IFT74: variants seen among roughly 807,000 people sequenced by gnomAD.
IFT74 encodes the protein intraflagellar transport protein 74 homolog.
Under a neutral mutation model 96.7 loss-of-function variants are expected in IFT74, and 92 were observed. The ratio of observed to expected loss-of-function variants is 0.95; its 90% CI spans 0.80 to 1.13. IFT74 has a LOEUF of 1.13. Ranked by LOEUF, IFT74 falls within the 50% of genes most tolerant of loss-of-function variation. The probability of loss-of-function intolerance (pLI) is 0.00; values close to 1 mark genes in which losing one functional copy is unlikely to be tolerated. For synonymous variants in IFT74, 223 were observed against 213.2 expected, an observed-to-expected ratio of 1.05 and a Z score of -0.40; for missense variants, 811 against 698.2, an observed-to-expected ratio of 1.16 and a Z score of -1.82.
chr9:26,989,691 T>G (rs1032079355), intron 7 of IFT74, among the ~76,000 whole-genome samples: 3 of 152,048 alleles, frequency 2.0e-5, no homozygotes, highest in East Asian at 1.9e-4. Context: ...GTCAGTTGTT[T>G]GGGATGGGGG....
At chr9:26,968,217 G>A (rs974954997) in intron 2 of IFT74, among the ~76,000 whole-genome samples, 1 of 151,500 alleles carries the variant, frequency 6.6e-6, no homozygotes, top group Non-Finnish European at 1.5e-5. Flanking sequence ...GAAGTCATCA[G>A]GTCCTGAGCT....
rs538849173 is a variant in IFT74, at chr9:27,033,000, A to G, written c.1054+3896A>G. On this transcript the variant is annotated intron_variant, in intron 13 of 19. Coordinates refer to ENST00000380062, the MANE Select transcript of IFT74 (RefSeq NM_025103.4). The stretch of plus-strand genomic sequence containing the variant: ...ACATGAAAAATGCAAGCAGAAAAGT[A>G]TATAAAGTAAAATGTCATCTCCTTT... Among the ~76,000 whole-genome samples, 34 of 152,330 alleles carry G rather than the reference A, an allele frequency of 2.2e-4. No individual in the cohort carries two copies. In the East Asian group the frequency reaches 6.0e-3, roughly 27 times the overall value.
chr9:26,979,289 A>G (rs1199887905), intron 3 of IFT74, among the ~76,000 whole-genome samples: 9 of 152,190 alleles, frequency 5.9e-5, no homozygotes, highest in Non-Finnish European at 1.5e-5. Flanking sequence ...TCAAAATTAC[A>G]TAGTCATTTA....
intron 6 of IFT74, among the ~76,000 whole-genome samples, 156 bp downstream of exon 6, chr9:26,984,715 A>C (rs1181346581): frequency 6.6e-6 from 1 of 152,204 alleles, no homozygotes; most frequent in Non-Finnish European, 1.5e-5. Flanking sequence ...GCTCATCATC[A>C]CTGATGATGA....
Position 27,016,915 on chromosome 9 carries a change from T to C in IFT74, c.798T>C (p.Ala266=). ...TTCTTATTTTCCTTTAGGAAATAGC[T>C]CACTCCCAGGTGAAACAGGAGGCGG... ...MKKESLEAEI[A]HSQVKQEAVL... is the part of the protein sequence containing the mutation. Residue 266 remains alanine (A), a synonymous_variant, in exon 11 of 20, where the codon GCT becomes GCC. Coordinates refer to ENST00000380062, the MANE Select transcript of IFT74 (RefSeq NM_025103.4). 1 of 1,598,406 alleles carries C rather than the reference T, an allele frequency of 6.3e-7. No individual in the cohort carries two copies. The highest frequency in any genetic ancestry group is 8.5e-7 in the Non-Finnish European group (1 of 1,174,436).
chr9:26,994,374 T>C (rs1385081894), intron 8 of IFT74: 1 of 151,834 alleles, frequency 6.6e-6, no homozygotes, highest in Non-Finnish European at 1.5e-5. Context: ...CTGTCTCTAC[T>C]AAAAATACAG....
chr9:26,961,897 G>A (rs1826379546), intron 1 of IFT74, 52 bp from the exon 2 acceptor site: 1 of 1,588,904 alleles, frequency 6.3e-7, no homozygotes, highest in Non-Finnish European at 8.6e-7. Context: ...GGTCATTATT[G>A]TCTTGCTAGA....
At chr9:26,995,306 G>T in intron 8 of IFT74, 1 of 451,444 alleles carries the variant, frequency 2.2e-6, no homozygotes, top group South Asian at 2.7e-5. Context: ...TAGTATTGTA[G>T]ACTATGTAAC....
intron 13 of IFT74, among the ~76,000 whole-genome samples, chr9:27,031,207 G>A (rs528526399): frequency 3.3e-5 from 5 of 152,230 alleles, no homozygotes; most frequent in South Asian, 4.1e-4. Flanking sequence ...GGTCGTGTGC[G>A]GTGGCTCACG....
chr9:26,966,101 T>G (rs961883437), intron 2 of IFT74, among the ~76,000 whole-genome samples: 40 of 151,108 alleles, frequency 2.6e-4, no homozygotes, highest in African/African-American at 8.7e-4. Context: ...GACAGTCAGG[T>G]TTTTTTTTCA....
intron 12 of IFT74, among the ~76,000 whole-genome samples, chr9:27,020,591 C>A (rs571578467): frequency 6.6e-6 from 1 of 151,692 alleles, no homozygotes; most frequent in South Asian, 2.1e-4. Context: ...TCTCCTGCCT[C>A]AGCCTCCCCA....
At chr9:27,019,459 T>G (rs962969449) in intron 12 of IFT74, among the ~76,000 whole-genome samples, 1 of 152,068 alleles carries the variant, frequency 6.6e-6, no homozygotes, top group African/African-American at 2.4e-5. Context: ...AGCTGACTAT[T>G]GGTATTTGGC....
At position 26,984,307 on chromosome 9, in the gene IFT74, T is replaced by G; in HGVS notation, c.356T>G (p.Ile119Arg). ...TTEVNKLQKG[I>R]EMYNQENSVY... is the part of the protein sequence containing the mutation. ...GAAGTTAATAAACTTCAGAAGGGAA[T>G]AGAAATGTACAATCAAGAGAATTCA... is the stretch of plus-strand genomic sequence containing the variant. Residue 119 changes from isoleucine (I) to arginine (R), a missense_variant, in exon 5 of 20, where the codon ATA (isoleucine) becomes AGA (arginine). Physicochemically the swap from Ile to Arg is moderately conservative, Grantham distance 97. Transcript: ENST00000380062. 1 of 1,581,458 alleles carries G rather than the reference T, an allele frequency of 6.3e-7. No individual in the cohort carries two copies. Among genetic ancestry groups the G allele is most frequent in the Non-Finnish European group, 8.6e-7 (1 of 1,162,888 alleles).
At chr9:26,960,452 A>T (rs1587233910) in intron 1 of IFT74, among the ~76,000 whole-genome samples, 1 of 152,236 alleles carries the variant, frequency 6.6e-6, no homozygotes, top group African/African-American at 2.4e-5. Flanking sequence ...AAATTTACTG[A>T]AACAATGTTT....
intron 18 of IFT74, among the ~76,000 whole-genome samples, chr9:27,057,263 T>G (rs1405400109): frequency 5.3e-5 from 8 of 152,168 alleles, no homozygotes; most frequent in Admixed American, 5.2e-4. Flanking sequence ...TATATATACC[T>G]GCAGCCCCCT....
intron 17 of IFT74, 66 bp downstream of exon 17, chr9:27,055,838 T>C: frequency 3.9e-6 from 4 of 1,026,392 alleles, no homozygotes; most frequent in Non-Finnish European, 5.5e-6. Context: ...AAATGTAATA[T>C]ATTTGTGGTT....
At chr9:27,003,434 A>C (rs552438067) in intron 8 of IFT74, among the ~76,000 whole-genome samples, 1 of 152,174 alleles carries the variant, frequency 6.6e-6, no homozygotes, top group Admixed American at 6.5e-5. Flanking sequence ...GAGGCAGCAG[A>C]ATTGTTTGAA....
intron 3 of IFT74, 107 bp from the exon 4 acceptor site, chr9:26,980,464 T>C (rs1307797240): frequency 1.3e-6 from 1 of 752,440 alleles, no homozygotes; most frequent in Non-Finnish European, 2.4e-6. Flanking sequence ...GGGGCATTCA[T>C]GAAGACTGTC....
chr9:26,977,619 G>A (rs2131523965), intron 2 of IFT74, among the ~76,000 whole-genome samples: 1 of 152,194 alleles, frequency 6.6e-6, no homozygotes, highest in East Asian at 1.9e-4. Flanking sequence ...CTCTCAAGTA[G>A]CCGGGATTAC....
Sources: allele counts gnomAD v4.1 joint callset (sites outside exome capture counted in the v4.1 genomes callset), GRCh38; gene constraint gnomAD v4.1.1; transcripts MANE v1.5; gene names NCBI Gene and HGNC (gene_info 2026-07-23, HGNC 2026-07-21).